IFIH1: variants seen among roughly 807,000 people sequenced by gnomAD.
The protein encoded by IFIH1 is interferon induced with helicase C domain 1.
A neutral mutation model predicts 107.4 loss-of-function variants in IFIH1; 125 were observed. The observed-to-expected ratio is 1.16, with a 90% confidence interval of 1.01 to 1.35. The LOEUF is 1.35. IFIH1 is among the 40% of genes most tolerant of loss of function. The probability of loss-of-function intolerance (pLI) is 0.00; values close to 1 mark genes in which losing one functional copy is unlikely to be tolerated. For synonymous variants in IFIH1, 458 were observed against 413.2 expected (o/e 1.11, Z -1.31); for missense variants, 1,333 against 1,213.7 (o/e 1.10, Z -1.46).
At chr2:162,281,577 C>A in intron 6 of IFIH1, 32 bp from the exon 7 acceptor site, 1 of 1,459,976 alleles carries the variant, frequency 6.8e-7, no homozygotes, top group East Asian at 2.3e-5. Context: ...TTCATTTCTC[C>A]ATATCAGCAC....
intron 5 of IFIH1, among the ~76,000 whole-genome samples, chr2:162,285,528 A>T (rs1682880340): frequency 1.3e-5 from 2 of 152,060 alleles, no homozygotes; most frequent in Admixed American, 6.6e-5. Context: ...AACAATTATG[A>T]CATAGATGGA....
rs189341467 is a variant in IFIH1 at position 162,278,347 on chromosome 2, C to T, written c.1642-19G>A. ...ATGGATCCTAAAAATAAAGTACACA[C>T]TTATTCTTATGTATTCTTATTGTTA... is the stretch of plus-strand genomic sequence containing the variant. On this transcript the variant is annotated intron_variant, in intron 8 of 15. Transcript: ENST00000649979. 1.8e-4 allele frequency: 201 copies of T among 1,147,382 alleles called. 2 individuals carry two copies. In the Admixed American group the frequency reaches 4.2e-3, roughly 24 times the overall value. The allele number at this position is 1,147,382 out of a possible 1,614,324, so 71.1% of individuals were successfully genotyped here. A position where few individuals can be genotyped will look rare whatever the true frequency, so the allele number is the denominator to read the frequency against.
intron 3 of IFIH1, among the ~76,000 whole-genome samples, chr2:162,305,361 G>C (rs1274153674): frequency 2.6e-5 from 4 of 152,154 alleles, no homozygotes; most frequent in Admixed American, 2.0e-4. Flanking sequence ...CCTGAGGTCA[G>C]GAGTTCAAGA....
At chr2:162,315,749 C>T (rs1050507836) in intron 1 of IFIH1, among the ~76,000 whole-genome samples, 3 of 152,212 alleles carry the variant, frequency 2.0e-5, no homozygotes, top group Non-Finnish European at 2.9e-5. Flanking sequence ...GTAAGATAAA[C>T]ATTTGTCAAT....
intron 5 of IFIH1, among the ~76,000 whole-genome samples, chr2:162,283,396 G>A (rs1043287791): frequency 9.9e-5 from 15 of 151,882 alleles, no homozygotes; most frequent in African/African-American, 3.4e-4. Context: ...TCTGCTGAAG[G>A]TAGCTGGGTT....
chr2:162,281,595 T>A (rs1311323466), intron 6 of IFIH1, 50 bp from the exon 7 acceptor site: 3 of 1,353,672 alleles, frequency 2.2e-6, no homozygotes, highest in South Asian at 2.5e-5. Flanking sequence ...CACACTACAG[T>A]GAGAAAATAG....
At chr2:162,274,993 C>T (rs939873087) in intron 11 of IFIH1, among the ~76,000 whole-genome samples, 53 of 152,294 alleles carry the variant, frequency 3.5e-4, no homozygotes, top group African/African-American at 1.2e-3. Flanking sequence ...TTTCTCCCTC[C>T]GGCCCTCACA....
At chr2:162,312,603 C>T (rs1049037566) in intron 1 of IFIH1, among the ~76,000 whole-genome samples, 7 of 152,126 alleles carry the variant, frequency 4.6e-5, no homozygotes, top group Non-Finnish European at 7.4e-5. Context: ...TATTTGAACT[C>T]AGTAAATTTC....
intron 1 of IFIH1, among the ~76,000 whole-genome samples, chr2:162,317,191 T>C (rs925870050): frequency 2.6e-5 from 4 of 152,166 alleles, no homozygotes; most frequent in Non-Finnish European, 4.4e-5. Context: ...CAATTGCCTT[T>C]GGAGTAGAAA....
At chr2:162,301,649 C>T (rs10195025) in intron 3 of IFIH1, among the ~76,000 whole-genome samples, 20,923 of 152,140 alleles carry the variant, frequency 0.14, 3,400 homozygotes, top group African/African-American at 0.37. Context: ...CAAAGACTGA[C>T]TGCACAACTA....
chr2:162,297,071 A>G (rs1295801734), intron 3 of IFIH1, among the ~76,000 whole-genome samples: 1 of 152,026 alleles, frequency 6.6e-6, no homozygotes, highest in Non-Finnish European at 1.5e-5. Flanking sequence ...AAGAAAATAT[A>G]TTGTATTTCT....
chr2:162,298,290 T>C (rs1253050005), intron 3 of IFIH1, among the ~76,000 whole-genome samples: 2 of 152,178 alleles, frequency 1.3e-5, no homozygotes, highest in Non-Finnish European at 2.9e-5. Flanking sequence ...ACAGAATATC[T>C]TTCGTTTCTT....
chr2:162,300,735 TA>T (rs1683178626), intron 3 of IFIH1, among the ~76,000 whole-genome samples: 1 of 152,210 alleles, frequency 6.6e-6, no homozygotes, highest in South Asian at 2.1e-4. Context: ...AGTCCTGATA[TA>T]GCATGAATGA....
chr2:162,315,749 C>A (rs1050507836), intron 1 of IFIH1, among the ~76,000 whole-genome samples: 1 of 152,330 alleles, frequency 6.6e-6, no homozygotes, highest in South Asian at 2.1e-4. Context: ...GTAAGATAAA[C>A]ATTTGTCAAT....
At chr2:162,277,339 A>C (rs1682710316) in intron 10 of IFIH1, 76 bp downstream of exon 10, 2 of 1,013,032 alleles carry the variant, frequency 2.0e-6, no homozygotes, top group Admixed American at 4.7e-5. Context: ...CTCTTTTTGG[A>C]GAGCTTATGA....
chr2:162,308,588 G>A (rs945495643), intron 2 of IFIH1, among the ~76,000 whole-genome samples: 2 of 152,060 alleles, frequency 1.3e-5, no homozygotes, highest in African/African-American at 2.4e-5. Flanking sequence ...ATGTTGGCCA[G>A]GCTGGTCTCA....
chr2:162,295,578 A>G (rs1234740576), intron 3 of IFIH1, among the ~76,000 whole-genome samples: 1 of 152,070 alleles, frequency 6.6e-6, no homozygotes, highest in South Asian at 2.1e-4. Context: ...ATGGACATAC[A>G]TACTGTTTAA....
intron 11 of IFIH1, 126 bp downstream of exon 11, chr2:162,276,561 T>A: frequency 9.8e-7 from 1 of 1,022,698 alleles, no homozygotes; most frequent in Middle Eastern, 2.3e-4. Flanking sequence ...ATCTTGATCA[T>A]GCCACTGCTC....
intron 2 of IFIH1, among the ~76,000 whole-genome samples, chr2:162,308,636 C>T (rs1683332875): frequency 6.6e-6 from 1 of 152,150 alleles, no homozygotes; most frequent in Non-Finnish European, 1.5e-5. Context: ...TCTTGGCCTC[C>T]CAAAGTGCTG....
Sources: gnomAD v4.1 joint callset for allele counts (sites outside exome capture counted in the v4.1 genomes callset) on GRCh38, gnomAD v4.1.1 for gene constraint, MANE v1.5 for transcripts, NCBI Gene and HGNC (gene_info 2026-07-23, HGNC 2026-07-21) for gene names.